The following LRP1B variants were observed in gnomAD, a reference collection of about 807,000 sequenced individuals.
LRP1B encodes low-density lipoprotein receptor-related protein 1B.
Under a neutral mutation model 556.6 loss-of-function variants are expected in LRP1B, and 217 were observed. That is an observed-to-expected ratio of 0.39 (90% CI 0.35 to 0.44). The LOEUF (loss-of-function observed/expected upper bound fraction) is 0.44, where lower values mean the gene tolerates loss of function less well. LRP1B is among the 20% of genes least tolerant of loss of function. LRP1B has a pLI of 1.00. For synonymous variants in LRP1B, 2,047 were observed against 1,865.8 expected (o/e 1.10, Z -2.50); for missense variants, 5,053 against 5,620.8 (o/e 0.90, Z 3.23).
At chr2:141,709,043 G>A (rs1195748914) in intron 2 of LRP1B, among the ~76,000 whole-genome samples, 1 of 152,058 alleles carries the variant, frequency 6.6e-6, no homozygotes, top group Non-Finnish European at 1.5e-5. Flanking sequence ...AACTTTTATA[G>A]TCTTTTAAAA....
At chr2:140,675,020 G>C (rs1559047853) in intron 41 of LRP1B, among the ~76,000 whole-genome samples, 1 of 152,156 alleles carries the variant, frequency 6.6e-6, no homozygotes, top group African/African-American at 2.4e-5. Context: ...AGCTTCTAGA[G>C]GCTGATGGTA....
intron 40 of LRP1B, 121 bp downstream of exon 40, chr2:140,701,600 T>C (rs1197940610): frequency 5.2e-5 from 48 of 924,378 alleles, no homozygotes; most frequent in Non-Finnish European, 7.2e-5. Context: ...AAATTAGATG[T>C]AAAGATAATG....
At chr2:140,799,075 C>T (rs902492687) in intron 32 of LRP1B, among the ~76,000 whole-genome samples, 4 of 151,904 alleles carry the variant, frequency 2.6e-5, no homozygotes, top group African/African-American at 4.8e-5. Context: ...TTTAAATAAA[C>T]GCATATATAT....
chr2:141,621,813 A>G (rs1688513672), intron 2 of LRP1B, among the ~76,000 whole-genome samples: 1 of 152,200 alleles, frequency 6.6e-6, no homozygotes, highest in South Asian at 2.1e-4. Context: ...AAAGAAGAAA[A>G]GAAGATGGGG....
intron 18 of LRP1B, among the ~76,000 whole-genome samples, chr2:140,973,542 C>T (rs573954800): frequency 6.6e-6 from 1 of 152,064 alleles, no homozygotes; most frequent in South Asian, 2.1e-4. Flanking sequence ...TTGGAAATAT[C>T]CCTAAAAAGC....
At chr2:140,893,743 G>A (rs1207927221) in intron 23 of LRP1B, among the ~76,000 whole-genome samples, 1 of 152,022 alleles carries the variant, frequency 6.6e-6, no homozygotes, top group African/African-American at 2.4e-5. Flanking sequence ...AAATTTCCAG[G>A]GAGAATGTGA....
At chr2:141,490,163 A>C (rs1389401375) in intron 2 of LRP1B, among the ~76,000 whole-genome samples, 1 of 152,088 alleles carries the variant, frequency 6.6e-6, no homozygotes, top group Non-Finnish European at 1.5e-5. Context: ...AGTTTAGGAA[A>C]TTTTGTTTGC....
At chr2:141,996,389 A>G (rs1702491761) in intron 1 of LRP1B, among the ~76,000 whole-genome samples, 1 of 103,802 alleles carries the variant, frequency 9.6e-6, no homozygotes, top group Non-Finnish European at 1.9e-5. Flanking sequence ...ACCTCCCCTA[A>G]TATCATTGAA....
intron 7 of LRP1B, among the ~76,000 whole-genome samples, chr2:141,065,497 G>A (rs1699456432): frequency 1.3e-5 from 2 of 151,892 alleles, no homozygotes; most frequent in Admixed American, 1.3e-4. Context: ...ATCTTGAGCA[G>A]TTCTTCAGCT....
Position 140,705,299 on chromosome 2 carries a change from G to A in LRP1B, c.6024-2746C>T, listed in dbSNP as rs116915039. On this transcript the variant is annotated intron_variant, in intron 37 of 90. Transcript: ENST00000389484. ...AACACTTTGGGAGGCTGAGGCAGGC[G>A]TATCACTTGAGGTAAGGAGTTTGAG... Among the ~76,000 whole-genome samples the A allele has an allele frequency of 0.022, 3,278 of 151,900 alleles. 188 individuals carry two copies. The East Asian group carries it at 0.22, about 10-fold the overall frequency.
rs537441575 is a variant in LRP1B, at chr2:140,246,163, GTCTC to G, written c.13324+919_13324+922del. ...AAATGTTATATTTTATACTTTAATA[GTCTC>G]TCTCCTTTTTCACTAACTCTGAAAC... On this transcript the variant is annotated intron_variant, in intron 87 of 90. Coordinates refer to ENST00000389484, the MANE Select transcript of LRP1B (RefSeq NM_018557.3). Among the ~76,000 whole-genome samples the G allele has an allele frequency of 4.0e-5, 6 of 151,316 alleles. No individual in the cohort carries two copies. In the East Asian group the frequency reaches 1.2e-3, roughly 30 times the overall value.
intron 21 of LRP1B, among the ~76,000 whole-genome samples, chr2:140,909,707 C>T (rs1694359650): frequency 2.0e-5 from 3 of 150,782 alleles, no homozygotes; most frequent in African/African-American, 4.8e-5. Context: ...AGTGTCATTA[C>T]ACGTTGTTAA....
chr2:141,006,589 A>T (rs1166335834), intron 14 of LRP1B, among the ~76,000 whole-genome samples: 1 of 152,034 alleles, frequency 6.6e-6, no homozygotes, highest in African/African-American at 2.4e-5. Flanking sequence ...CCTTACACAA[A>T]CCGAGATAGT....
chr2:140,332,818 C>T (rs985317302), intron 79 of LRP1B, among the ~76,000 whole-genome samples: 3 of 152,148 alleles, frequency 2.0e-5, no homozygotes, highest in Non-Finnish European at 2.9e-5. Context: ...TTTAGGCACT[C>T]GCCTAAGTAC....
At chr2:140,998,244 G>C (rs981296341) in intron 15 of LRP1B, among the ~76,000 whole-genome samples, 2 of 152,042 alleles carry the variant, frequency 1.3e-5, no homozygotes, top group African/African-American at 4.8e-5. Flanking sequence ...TCTCCTGGGA[G>C]TAAGGCACAT....
chr2:141,517,312 T>A (rs55742018), intron 2 of LRP1B, among the ~76,000 whole-genome samples: 55,461 of 105,054 alleles, frequency 0.53, 10,352 homozygotes, highest in East Asian at 0.64. Context: ...TTGAGAAAGA[T>A]AGCTGGATTT....
intron 3 of LRP1B, among the ~76,000 whole-genome samples, chr2:141,423,227 T>C (rs994089242): frequency 1.3e-5 from 2 of 151,626 alleles, no homozygotes; most frequent in African/African-American, 4.8e-5. Context: ...TGTACATGAC[T>C]ATACTATACC....
chr2:141,017,671 GCA>G (rs373487395), intron 12 of LRP1B, among the ~76,000 whole-genome samples: 2 of 151,162 alleles, frequency 1.3e-5, no homozygotes, highest in African/African-American at 4.9e-5. Flanking sequence ...ATATGTATAT[GCA>G]CACACACACA....
At chr2:141,812,216 A>T (rs920938362) in intron 1 of LRP1B, among the ~76,000 whole-genome samples, 1 of 152,108 alleles carries the variant, frequency 6.6e-6, no homozygotes, top group Non-Finnish European at 1.5e-5. Flanking sequence ...GTAGAGAAAG[A>T]GCATGGAATA....
Sources: gnomAD v4.1 joint callset for allele counts (sites outside exome capture counted in the v4.1 genomes callset) on GRCh38, gnomAD v4.1.1 for gene constraint, MANE v1.5 for transcripts, NCBI Gene and HGNC (gene_info 2026-07-23, HGNC 2026-07-21) for gene names.